SGCZ: variants seen among roughly 807,000 people sequenced by gnomAD.
SGCZ encodes the protein sarcoglycan zeta, also known as zeta-sarcoglycan.
A neutral mutation model predicts 41.3 loss-of-function variants in SGCZ; 40 were observed. The ratio of observed to expected loss-of-function variants is 0.97; its 90% CI spans 0.75 to 1.26. SGCZ has a LOEUF of 1.26. SGCZ is among the 50% of genes most tolerant of loss of function. The pLI, the probability that SGCZ is intolerant of heterozygous loss-of-function variation, is 0.00. For synonymous variants in SGCZ, 206 were observed against 137.5 expected, an observed-to-expected ratio of 1.50 and a Z score of -3.49; for missense variants, 552 against 369.8, an observed-to-expected ratio of 1.49 and a Z score of -4.04.
chr8:14,879,608 AC>A (rs1160864943), intron 1 of SGCZ: 1 of 151,436 alleles, frequency 6.6e-6, no homozygotes, highest in Non-Finnish European at 1.5e-5. Context: ...ACACACACAC[AC>A]ACACACACAC....
At chr8:14,224,378 G>C (rs1190369046) in intron 4 of SGCZ, among the ~76,000 whole-genome samples, 1 of 152,174 alleles carries the variant, frequency 6.6e-6, no homozygotes, top group Non-Finnish European at 1.5e-5. Flanking sequence ...ACTATGGTGA[G>C]TGTGAGCTAG....
chr8:14,884,659 G>C (rs1804724043), intron 1 of SGCZ, among the ~76,000 whole-genome samples: 1 of 151,884 alleles, frequency 6.6e-6, no homozygotes, highest in Non-Finnish European at 1.5e-5. Flanking sequence ...AGTGTATATG[G>C]CACCAAGAGG....
intron 1 of SGCZ, among the ~76,000 whole-genome samples, chr8:15,043,778 AT>A (rs756107095): frequency 2.0e-5 from 3 of 152,260 alleles, no homozygotes; most frequent in East Asian, 1.9e-4. Context: ...AGCCAAAAAA[AT>A]ATTTAGAATC....
intron 3 of SGCZ, among the ~76,000 whole-genome samples, chr8:14,257,928 A>T (rs1016515506): frequency 6.6e-6 from 1 of 152,186 alleles, no homozygotes; most frequent in African/African-American, 2.4e-5. Flanking sequence ...ATATATAGAC[A>T]TATCTACCTA....
chr8:14,199,334 T>G (rs558236291), intron 4 of SGCZ, among the ~76,000 whole-genome samples: 9 of 152,276 alleles, frequency 5.9e-5, no homozygotes, highest in African/African-American at 1.9e-4. Context: ...CTAATAAATT[T>G]TGGTCAGACT....
At position 14,591,553 on chromosome 8, in the gene SGCZ, G is replaced by A. The variant is rs551867556; in HGVS notation, c.40-36627C>T. ...ATACACAAAATAGTTTGTGATGTAAGCACAATATTTTATTCTTCAAATTTA... is the reference window on the plus strand; with the variant it reads ...ATACACAAAATAGTTTGTGATGTAAACACAATATTTTATTCTTCAAATTTA... On this transcript the variant is annotated intron_variant, in intron 1 of 7. Coordinates refer to ENST00000382080, the MANE Select transcript of SGCZ (RefSeq NM_139167.4). Among the ~76,000 whole-genome samples, 4 of 152,090 alleles carry A rather than the reference G, an allele frequency of 2.6e-5. No homozygotes were observed. In the South Asian group the frequency reaches 6.2e-4, roughly 24 times the overall value.
intron 1 of SGCZ, among the ~76,000 whole-genome samples, chr8:15,000,641 T>C (rs763615675): frequency 6.6e-6 from 1 of 152,146 alleles, no homozygotes; most frequent in Non-Finnish European, 1.5e-5. Flanking sequence ...ACAGAGGAGA[T>C]GGCACCGCTC....
rs1563164722 is a variant in SGCZ, at chr8:15,172,166, T to TTATTTATTTTTA, written c.39+65418_39+65419insTAAAAATAAATA. Among the ~76,000 whole-genome samples the TTATTTATTTTTA allele has an allele frequency of 2.9e-4, 39 of 133,732 alleles. 2 individuals are homozygous for TTATTTATTTTTA. Among genetic ancestry groups the TTATTTATTTTTA allele is most frequent in the South Asian group, 1.5e-3 (6 of 3,876 alleles). The allele number at this position is 133,732 out of a possible 152,430, so 87.7% of individuals were successfully genotyped here. The stretch of plus-strand genomic sequence containing the variant: ...CCTTTTATACTCTGTTTTTTTTTTT[T>TTATTTATTTTTA]TTTTTTTTTTTTTGAGACGGAGTTT... On this transcript the variant is annotated intron_variant, in intron 1 of 7. Transcript: ENST00000382080.
chr8:15,097,862 GTGTGTATA>G (rs752403568), intron 1 of SGCZ, among the ~76,000 whole-genome samples: 333 of 18,190 alleles, frequency 0.018, 6 homozygotes, highest in Non-Finnish European at 0.02. Context: ...ATATACGTGT[GTGTGTATA>G]TATATATATA....
chr8:15,229,863 GAT>G, intron 1 of SGCZ, among the ~76,000 whole-genome samples: 1 of 152,266 alleles, frequency 6.6e-6, no homozygotes, highest in Middle Eastern at 3.4e-3. Flanking sequence ...ATCTTAGGTA[GAT>G]AACATGTATT....
chr8:14,604,031 A>T (rs897151651), intron 1 of SGCZ, among the ~76,000 whole-genome samples: 2 of 152,170 alleles, frequency 1.3e-5, no homozygotes, highest in Non-Finnish European at 2.9e-5. Context: ...AATTCATCCC[A>T]ACTAAAGCTC....
intron 1 of SGCZ, among the ~76,000 whole-genome samples, chr8:14,715,121 T>G (rs1418411018): frequency 6.6e-6 from 1 of 152,162 alleles, no homozygotes; most frequent in Non-Finnish European, 1.5e-5. Context: ...ACGATGCATA[T>G]TCATGGAAAT....
chr8:14,549,286 C>T (rs545818882), intron 2 of SGCZ, among the ~76,000 whole-genome samples: 1 of 151,958 alleles, frequency 6.6e-6, no homozygotes, highest in East Asian at 1.9e-4. Context: ...AAAGTGCTTT[C>T]GGATTCGGAC....
chr8:14,941,824 T>C (rs1052288130), intron 1 of SGCZ, among the ~76,000 whole-genome samples: 36 of 151,594 alleles, frequency 2.4e-4, no homozygotes, highest in Admixed American at 2.2e-3. Flanking sequence ...ATATGTTACA[T>C]ATATTGCATG....
chr8:14,652,598 A>C (rs1201057592), intron 1 of SGCZ, among the ~76,000 whole-genome samples: 3 of 152,048 alleles, frequency 2.0e-5, no homozygotes, highest in African/African-American at 7.3e-5. Flanking sequence ...GGCTCTGCTA[A>C]AATCTGTTTC....
chr8:14,987,871 T>G (rs1225914833), intron 1 of SGCZ, among the ~76,000 whole-genome samples: 1 of 152,040 alleles, frequency 6.6e-6, no homozygotes, highest in African/African-American at 2.4e-5. Context: ...TTGCCAGTAG[T>G]GTTTTGAAAA....
rs143122698 is a variant in SGCZ, at chr8:14,823,771, G to A, written c.40-268845C>T. On this transcript the variant is annotated intron_variant, in intron 1 of 7. Transcript: ENST00000382080. ...AAATCACTATATTGAAGAGATACCT[G>A]GAGTTACATGTTTTTTGCAGCACTG... 2.4e-3 allele frequency among the ~76,000 whole-genome samples: 367 copies of A among 152,266 alleles called. 1 individual carries two copies. The highest frequency in any genetic ancestry group is 8.4e-3 in the African/African-American group (351 of 41,572).
At chr8:15,094,434 A>C (rs6530833) in intron 1 of SGCZ, among the ~76,000 whole-genome samples, 48,282 of 152,032 alleles carry the variant, frequency 0.32, 8,482 homozygotes, top group African/African-American at 0.48. Context: ...TTTGCCCAGC[A>C]ACAGGCCAGT....
At chr8:14,536,920 C>A (rs1452680289) in intron 2 of SGCZ, among the ~76,000 whole-genome samples, 3 of 151,838 alleles carry the variant, frequency 2.0e-5, no homozygotes, top group African/African-American at 7.3e-5. Context: ...CACTAGGAAG[C>A]TATAAAAAAT....
Sources: allele counts gnomAD v4.1 joint callset (sites outside exome capture counted in the v4.1 genomes callset), GRCh38; gene constraint gnomAD v4.1.1; transcripts MANE v1.5; gene names NCBI Gene and HGNC (gene_info 2026-07-23, HGNC 2026-07-21).